SLC12A2: variants seen among roughly 807,000 people sequenced by gnomAD.
SLC12A2 encodes the protein Na-K-2Cl cotransporter 1.
In SLC12A2, 67 loss-of-function variants were observed where a neutral mutation model predicts 136.3. The ratio of observed to expected loss-of-function variants is 0.49; its 90% CI spans 0.40 to 0.60. The LOEUF is 0.60. Among genes scored for constraint, SLC12A2 ranks in the 20% least tolerant of loss-of-function variants. The pLI is 0.00. For synonymous variants in SLC12A2, 619 were observed against 562.9 expected, an observed-to-expected ratio of 1.10 and a Z score of -1.41; for missense variants, 1,322 against 1,534.7, an observed-to-expected ratio of 0.86 and a Z score of 2.32.
chr5:128,102,696 T>C (rs1760790377), intron 1 of SLC12A2, among the ~76,000 whole-genome samples: 2 of 138,912 alleles, frequency 1.4e-5, no homozygotes, highest in Admixed American at 1.6e-4. Flanking sequence ...CAGTGCAGCC[T>C]CAACCTCCTG....
Position 128,112,909 on chromosome 5 carries a change from G to A in SLC12A2, c.852G>A (p.Lys284=). Residue 284 remains lysine, a synonymous_variant, in exon 2 of 27, where the codon AAG becomes AAA. Coordinates refer to ENST00000262461, the MANE Select transcript of SLC12A2 (RefSeq NM_001046.3). ...CTGCAGAAAGTAAAGGAGTCGTGAA[G>A]TTTGGCTGGATCAAGGGTGTATTAG... The part of the protein sequence containing the change: ...TYTAESKGVV[K]FGWIKGVLVR... The A allele has an allele frequency of 1.9e-6, 3 of 1,612,824 alleles. No homozygotes were observed. Among genetic ancestry groups the A allele is most frequent in the African/African-American group, 1.3e-5 (1 of 74,998 alleles).
chr5:128,108,920 T>C (rs555931678), intron 1 of SLC12A2, among the ~76,000 whole-genome samples: 1 of 152,222 alleles, frequency 6.6e-6, no homozygotes, highest in East Asian at 1.9e-4. Flanking sequence ...AGTAAAATAA[T>C]CATTGGTTGA....
chr5:128,132,392 TAGG>T (rs1395528418), intron 5 of SLC12A2, among the ~76,000 whole-genome samples: 27 of 152,212 alleles, frequency 1.8e-4, no homozygotes, highest in Middle Eastern at 3.4e-3. Flanking sequence ...ATTAGAGAAA[TAGG>T]AGGATTTCAA....
intron 1 of SLC12A2, among the ~76,000 whole-genome samples, chr5:128,111,643 T>TAGTC (rs1761147694): frequency 6.6e-6 from 1 of 151,566 alleles, no homozygotes; most frequent in Non-Finnish European, 1.5e-5. Flanking sequence ...TGGGCGCCTG[T>TAGTC]AGTCCCAGCT....
chr5:128,128,698 C>T (rs1319947283), intron 4 of SLC12A2, among the ~76,000 whole-genome samples: 2 of 151,140 alleles, frequency 1.3e-5, no homozygotes, highest in Non-Finnish European at 2.9e-5. Context: ...GACAACAGTA[C>T]TTTAGTAGAA....
intron 1 of SLC12A2, among the ~76,000 whole-genome samples, chr5:128,086,054 C>A (rs953925836): frequency 5.3e-5 from 8 of 152,172 alleles, no homozygotes; most frequent in Middle Eastern, 3.4e-3. Context: ...AGATATGGAG[C>A]TGGCAATTTT....
intron 4 of SLC12A2, among the ~76,000 whole-genome samples, chr5:128,116,805 C>A (rs893237520): frequency 2.6e-5 from 4 of 152,190 alleles, no homozygotes; most frequent in Non-Finnish European, 5.9e-5. Context: ...GCTGCATCAT[C>A]TGCAATTAGT....
At chr5:128,114,087 AG>A in intron 2 of SLC12A2, 124 bp from the exon 3 acceptor site, 1 of 697,288 alleles carries the variant, frequency 1.4e-6, no homozygotes, top group Non-Finnish European at 2.5e-6. Flanking sequence ...GGTAGGAGTT[AG>A]ATTTAAAACT....
intron 17 of SLC12A2, among the ~76,000 whole-genome samples, chr5:128,164,015 A>G (rs1763124360): frequency 6.6e-6 from 1 of 152,238 alleles, no homozygotes; most frequent in Non-Finnish European, 1.5e-5. Flanking sequence ...ATTTATAGGA[A>G]CATTCTGATA....
chr5:128,117,424 T>C (rs2126676606), intron 4 of SLC12A2, among the ~76,000 whole-genome samples: 1 of 152,296 alleles, frequency 6.6e-6, no homozygotes, highest in African/African-American at 2.4e-5. Flanking sequence ...AACCATCTTA[T>C]GAAAATTGAT....
rs1762260320 is a variant in SLC12A2, at chr5:128,138,643, G to T, written c.1455G>T (p.Glu485Asp). ...TTGGGCCCGATTTTCGAGAGGAAGAGACTTTCTTTTCTGTATTTGCCATCT... is the reference window on the plus strand; with the variant it reads ...TTGGGCCCGATTTTCGAGAGGAAGATACTTTCTTTTCTGTATTTGCCATCT... ...ENFGPDFREE[E>D]TFFSVFAIFF... Residue 485 changes from glutamate (E) to aspartate (D), a missense_variant, in exon 8 of 27, where the codon GAG (glutamate) becomes GAT (aspartate). Transcript: ENST00000262461. The T allele has an allele frequency of 1.2e-6, 2 of 1,613,390 alleles. No homozygotes were observed. The highest frequency in any genetic ancestry group is 1.7e-6 in the Non-Finnish European group (2 of 1,179,808).
intron 1 of SLC12A2, among the ~76,000 whole-genome samples, chr5:128,092,869 A>G (rs1760388008): frequency 6.6e-6 from 1 of 152,154 alleles, no homozygotes; most frequent in Non-Finnish European, 1.5e-5. Context: ...GTTCCTGTCA[A>G]TAGTTTACTT....
At chr5:128,152,904 T>C in intron 15 of SLC12A2, 99 bp downstream of exon 15, 1 of 780,670 alleles carries the variant, frequency 1.3e-6, no homozygotes, top group Non-Finnish European at 2.3e-6. Flanking sequence ...ACATTTTTAA[T>C]CGGTCTTGGG....
At chr5:128,138,511 G>A in intron 7 of SLC12A2, 86 bp from the exon 8 acceptor site, 6 of 1,213,890 alleles carry the variant, frequency 4.9e-6, no homozygotes, top group Non-Finnish European at 5.7e-6. Flanking sequence ...AAAGTTAGGG[G>A]TCATGTATAC....
Position 128,084,073 on chromosome 5 carries a change from C to T in SLC12A2, c.119C>T (p.Pro40Leu), listed in dbSNP as rs964331045. The T allele has an allele frequency of 7.6e-7, 1 of 1,317,558 alleles. No individual in the cohort carries two copies. The highest frequency in any genetic ancestry group is 9.6e-7 in the Non-Finnish European group (1 of 1,037,308). The allele number at this position is 1,317,558 out of a possible 1,614,324, so 81.6% of individuals were successfully genotyped here. Residue 40 changes from proline to leucine, a missense_variant, in exon 1 of 27, where the codon CCC becomes CTC. Around this residue, in one of 8 missense-constraint regions of SLC12A2, gnomAD observed 358 missense variants for 299.7 expected, o/e 1.19. Transcript: ENST00000262461. This position sits in a 1 kb window ranked among gnomAD's most constrained non-coding sequence, Gnocchi z 5.6. ...ARVELPGTAV[P>L]SVPEDAAPAS... is the part of the protein sequence containing the mutation. ...GTGGAACTGCCCGGCACGGCTGTGC[C>T]CTCGGTGCCGGAGGATGCTGCGCCC...
In SLC12A2 at chr5:128,083,987, C is replaced by A; in HGVS notation, c.33C>A (p.Gly11=). 8.0e-7 allele frequency: 1 copy of A among 1,242,984 alleles called. No individual in the cohort carries two copies. Among genetic ancestry groups the A allele is most frequent in the Non-Finnish European group, 1.0e-6 (1 of 994,222 alleles). The allele number at this position is 1,242,984 out of a possible 1,614,324, so 77.0% of individuals were successfully genotyped here. MEPRPTAPSS[G]APGLAGVGET... is the part of the protein sequence containing the mutation. ...CGCGGCCCACGGCGCCCTCCTCCGG[C>A]GCCCCGGGACTGGCCGGGGTCGGGG... The change falls in exon 1 of 27, where the codon GGC becomes GGA. Residue 11 remains glycine (G), a synonymous_variant. Coordinates refer to ENST00000262461, the MANE Select transcript of SLC12A2 (RefSeq NM_001046.3).
intron 1 of SLC12A2, among the ~76,000 whole-genome samples, chr5:128,102,339 C>T (rs1760766897): frequency 6.6e-6 from 1 of 151,948 alleles, no homozygotes; most frequent in African/African-American, 2.4e-5. Flanking sequence ...ATTCTCTGTG[C>T]ACCCCCTTCT....
At chr5:128,147,477 T>A (rs533577201) in intron 10 of SLC12A2, 145 bp from the exon 11 acceptor site, 192 of 523,080 alleles carry the variant, frequency 3.7e-4, no homozygotes, top group Non-Finnish European at 6.0e-4. Flanking sequence ...TTTCAGATAT[T>A]TGTAATGCAC....
At chr5:128,110,000 A>G in intron 1 of SLC12A2, 1 of 1,069,636 alleles carries the variant, frequency 9.3e-7, no homozygotes, top group Non-Finnish European at 1.5e-6. Flanking sequence ...CTGTGGATCC[A>G]GAAAAGATTG....
Sources: allele counts gnomAD v4.1 joint callset (sites outside exome capture counted in the v4.1 genomes callset), GRCh38; gene constraint gnomAD v4.1.1; regional missense constraint gnomAD v4.1.1; non-coding constraint Gnocchi (gnomAD v3.1); transcripts MANE v1.5; gene names NCBI Gene and HGNC (gene_info 2026-07-23, HGNC 2026-07-21).